The following PEBP4 variants were observed in gnomAD, a reference collection of about 807,000 sequenced individuals.
The protein encoded by PEBP4 is phosphatidylethanolamine-binding protein 4.
PEBP4 carries 22 observed loss-of-function variants against 23.9 expected under a neutral mutation model. That is an observed-to-expected ratio of 0.92 (90% CI 0.66 to 1.31). The LOEUF is 1.31. Among genes scored for constraint, PEBP4 ranks in the 40% most tolerant of loss-of-function variants. The pLI is 0.00. For missense variants in PEBP4, 324 were observed against 281.7 expected, an observed-to-expected ratio of 1.15 and a Z score of -1.07; for synonymous variants, 112 against 99.3, an observed-to-expected ratio of 1.13 and a Z score of -0.76.
chr8:22,738,305 C>A (rs147940428), intron 4 of PEBP4, among the ~76,000 whole-genome samples: 1 of 152,154 alleles, frequency 6.6e-6, no homozygotes, highest in Non-Finnish European at 1.5e-5. Flanking sequence ...CAGGCGGGCT[C>A]GGCTCAGGAG....
intron 2 of PEBP4, among the ~76,000 whole-genome samples, chr8:22,920,878 A>G (rs1809184373): frequency 6.6e-6 from 1 of 152,258 alleles, no homozygotes; most frequent in South Asian, 2.1e-4. Flanking sequence ...ACTGTAGCCT[A>G]GGTTCTCTTT....
chr8:22,834,289 C>T (rs750562785), intron 3 of PEBP4, among the ~76,000 whole-genome samples: 25 of 152,222 alleles, frequency 1.6e-4, no homozygotes, highest in Non-Finnish European at 3.4e-4. Flanking sequence ...TTGAGTGTAA[C>T]AGCTGCTCTT....
At chr8:22,847,041 T>A (rs979058546) in intron 3 of PEBP4, among the ~76,000 whole-genome samples, 2 of 152,046 alleles carry the variant, frequency 1.3e-5, no homozygotes, top group Non-Finnish European at 2.9e-5. Context: ...TCCTGGTAAA[T>A]TGGTCCTCAA....
chr8:22,896,603 CA>C (rs1259933215), intron 3 of PEBP4, among the ~76,000 whole-genome samples: 2 of 152,156 alleles, frequency 1.3e-5, no homozygotes, highest in Non-Finnish European at 2.9e-5. Flanking sequence ...TCATTTACCC[CA>C]GCAGTCCTTG....
intron 3 of PEBP4, among the ~76,000 whole-genome samples, chr8:22,875,046 T>C (rs1808091415): frequency 6.6e-6 from 1 of 152,168 alleles, no homozygotes; most frequent in Non-Finnish European, 1.5e-5. Context: ...TCTCTGCTTC[T>C]CCATTCAGCC....
chr8:22,833,939 T>C (rs189401291), intron 3 of PEBP4, among the ~76,000 whole-genome samples: 4 of 152,294 alleles, frequency 2.6e-5, no homozygotes, highest in African/African-American at 7.2e-5. Context: ...TCCCCTGAAG[T>C]CCGTAGCCAA....
chr8:22,908,768 T>G (rs1367988695), intron 3 of PEBP4, among the ~76,000 whole-genome samples: 1 of 152,178 alleles, frequency 6.6e-6, no homozygotes, highest in Non-Finnish European at 1.5e-5. Context: ...CAGGTGAATA[T>G]GGGACTGACA....
At chr8:22,715,085 C>A (rs1324845489) in intron 6 of PEBP4, among the ~76,000 whole-genome samples, 2 of 152,224 alleles carry the variant, frequency 1.3e-5, no homozygotes, top group Non-Finnish European at 2.9e-5. Context: ...TTCGTAGTGG[C>A]AGGGATGGGG....
intron 4 of PEBP4, among the ~76,000 whole-genome samples, chr8:22,780,864 G>A (rs1194628487): frequency 6.6e-6 from 1 of 152,170 alleles, no homozygotes; most frequent in East Asian, 1.9e-4. Context: ...AGTGTGCTCC[G>A]AGTGCTCCCA....
intron 3 of PEBP4, among the ~76,000 whole-genome samples, chr8:22,863,168 A>G (rs895938290): frequency 1.1e-4 from 16 of 152,126 alleles, no homozygotes; most frequent in African/African-American, 3.9e-4. Context: ...GGCTGTGGAA[A>G]TGTCCAGGCA....
chr8:22,891,917 CA>C (rs1317913657), intron 3 of PEBP4, among the ~76,000 whole-genome samples: 1 of 152,062 alleles, frequency 6.6e-6, no homozygotes, highest in Non-Finnish European at 1.5e-5. Context: ...ATTAAAAATA[CA>C]AAAAATTAGT....
At chr8:22,718,952 T>C (rs894551299) in intron 6 of PEBP4, among the ~76,000 whole-genome samples, 7 of 152,154 alleles carry the variant, frequency 4.6e-5, no homozygotes, top group Non-Finnish European at 1.0e-4. Flanking sequence ...TGAAGCTGCG[T>C]GGGGCTCTGC....
intron 3 of PEBP4, among the ~76,000 whole-genome samples, chr8:22,848,028 A>C (rs1807474714): frequency 6.6e-6 from 1 of 151,812 alleles, no homozygotes; most frequent in Admixed American, 6.6e-5. Flanking sequence ...CCAGTGCTAA[A>C]GCTCTCTCTC....
In PEBP4 at chr8:22,810,669, G is replaced by GGTGTGTGT. The variant is rs60078589; in HGVS notation, c.357+6960_357+6967dup. ...TTCCCTTTGGGGTGTCTCATGGAGGGGTGTGTGTGTGTGTGTGTGTGTGTG... is the reference window on the plus strand; with the variant it reads ...TTCCCTTTGGGGTGTCTCATGGAGGGGTGTGTGTGTGTGTGTGTGTGTGTGTGTGTGTG... On this transcript the variant is annotated intron_variant, in intron 4 of 6. Coordinates refer to ENST00000256404, the MANE Select transcript of PEBP4 (RefSeq NM_144962.3). Among the ~76,000 whole-genome samples, 552 of 129,162 alleles carry GGTGTGTGT rather than the reference G, an allele frequency of 4.3e-3. 3 individuals are homozygous for GGTGTGTGT. The highest frequency in any genetic ancestry group is 8.0e-3 in the African/African-American group (267 of 33,310). 84.7% of individuals were successfully genotyped at this position (129,162 alleles called of 152,430 possible).
rs144820381 is a variant in PEBP4, at chr8:22,828,811, A to G, written c.259-11076T>C. ...CAAACATGTGGAACAGCCACCCAAC[A>G]CCATGGCCTCTCTGGTTCCTGGGTC... On this transcript the variant is annotated intron_variant, in intron 3 of 6. Coordinates refer to ENST00000256404, the MANE Select transcript of PEBP4 (RefSeq NM_144962.3). 6.2e-3 allele frequency among the ~76,000 whole-genome samples: 940 copies of G among 152,144 alleles called. 7 individuals carry two copies. Among genetic ancestry groups the G allele is most frequent in the Non-Finnish European group, 0.01 (704 of 67,972 alleles).
chr8:22,924,720 T>A (rs1310298594), intron 2 of PEBP4: 1 of 984,618 alleles, frequency 1.0e-6, no homozygotes, highest in African/African-American at 1.8e-5. Context: ...GCAGGTGGGG[T>A]TTTTTGAGTG....
At position 22,865,204 on chromosome 8, in the gene PEBP4, T is replaced by C. The variant is rs1390034843; in HGVS notation, c.259-47469A>G. Among the ~76,000 whole-genome samples, 2 of 149,028 alleles carry C rather than the reference T, an allele frequency of 1.3e-5. No individual in the cohort carries two copies. Reference sequence around the variant, plus strand: ...GACTCAGGTCTGACTCAATGCCATTTCTGAAACAGCCTGGGGGGCGGCGGG... The same window carrying C: ...GACTCAGGTCTGACTCAATGCCATTCCTGAAACAGCCTGGGGGGCGGCGGG... On this transcript the variant is annotated intron_variant, in intron 3 of 6. Transcript: ENST00000256404. This position sits in a 1 kb window ranked among gnomAD's most constrained non-coding sequence, Gnocchi z 6.9.
At chr8:22,923,719 C>T (rs183000425) in intron 2 of PEBP4, among the ~76,000 whole-genome samples, 6 of 152,166 alleles carry the variant, frequency 3.9e-5, no homozygotes, top group Admixed American at 1.3e-4. Context: ...TATTAACAAG[C>T]GGGACTTGGA....
At chr8:22,731,393 C>T (rs34834698) in intron 4 of PEBP4, among the ~76,000 whole-genome samples, 21,178 of 152,172 alleles carry the variant, frequency 0.14, 1,895 homozygotes, top group Middle Eastern at 0.21. Flanking sequence ...AAGTATATTT[C>T]CTCTTCCTTA....
Sources: allele counts gnomAD v4.1 joint callset (sites outside exome capture counted in the v4.1 genomes callset), GRCh38; gene constraint gnomAD v4.1.1; non-coding constraint Gnocchi (gnomAD v3.1); transcripts MANE v1.5; gene names NCBI Gene and HGNC (gene_info 2026-07-23, HGNC 2026-07-21).